Variants in BLTP3B observed in about 807,000 individuals in gnomAD.
BLTP3B encodes UHRF1 (ICBP90) binding protein 1-like.
the BLTP3B span, chr12:100,039,468 G>T: frequency 1.0e-6 from 1 of 976,554 alleles, no homozygotes; most frequent in Non-Finnish European, 1.4e-6. Flanking sequence ...ACCTAGCAAA[G>T]CACCTGGGCA....
chr12:100,129,953 T>C, the BLTP3B span, among the ~76,000 whole-genome samples: 1 of 152,242 alleles, frequency 6.6e-6, no homozygotes, highest in Non-Finnish European at 1.5e-5. Flanking sequence ...CTGTCATTTA[T>C]GTCCTTTTTC....
At chr12:100,101,989 G>A in the BLTP3B span, among the ~76,000 whole-genome samples, 3 of 151,688 alleles carry the variant, frequency 2.0e-5, no homozygotes, top group Non-Finnish European at 2.9e-5. Flanking sequence ...TGGTAGAGAC[G>A]GGGTTTCACC....
the BLTP3B span, among the ~76,000 whole-genome samples, chr12:100,048,767 A>AGAGAGAGTGT: frequency 8.9e-6 from 1 of 111,838 alleles, no homozygotes; most frequent in African/African-American, 3.7e-5. Context: ...AGAGAGTGAG[A>AGAGAGAGTGT]GTGAGTGTGT....
chr12:100,101,785 T>A, the BLTP3B span, among the ~76,000 whole-genome samples: 14 of 152,180 alleles, frequency 9.2e-5, no homozygotes, highest in South Asian at 2.7e-3. Flanking sequence ...ACCCAAAAGG[T>A]CTGTAATTTA....
chr12:100,123,468 C>T, the BLTP3B span, among the ~76,000 whole-genome samples: 2 of 152,090 alleles, frequency 1.3e-5, no homozygotes, highest in African/African-American at 4.8e-5. Context: ...CCCCCACACA[C>T]CAAGCAGTGG....
At chr12:100,133,444 A>C in the BLTP3B span, among the ~76,000 whole-genome samples, 1 of 152,226 alleles carries the variant, frequency 6.6e-6, no homozygotes, top group Non-Finnish European at 1.5e-5. Flanking sequence ...CTCCTAAGGG[A>C]TACTACAGCA....
the BLTP3B span, among the ~76,000 whole-genome samples, chr12:100,140,139 A>C: frequency 2.0e-5 from 3 of 152,212 alleles, no homozygotes; most frequent in Non-Finnish European, 4.4e-5. Context: ...AGTAACTATA[A>C]TTTATCACAA....
chr12:100,054,038 T>C, the BLTP3B span, among the ~76,000 whole-genome samples: 14,634 of 152,162 alleles, frequency 0.096, 876 homozygotes, highest in African/African-American at 0.17. Flanking sequence ...ATCCTAAAAA[T>C]AGTCTACTGC....
chr12:100,051,137 G>A, the BLTP3B span: 1 of 1,614,106 alleles, frequency 6.2e-7, no homozygotes, highest in South Asian at 1.1e-5. Flanking sequence ...ATCTGGAGAA[G>A]TTTCACCATA....
the BLTP3B span, among the ~76,000 whole-genome samples, chr12:100,055,637 A>T: frequency 1.3e-5 from 2 of 149,420 alleles, no homozygotes; most frequent in South Asian, 4.3e-4. Flanking sequence ...AGATCATGTC[A>T]TTACACTCCA....
At chr12:100,131,027 G>GAGAGAGAA in the BLTP3B span, among the ~76,000 whole-genome samples, 1 of 123,136 alleles carries the variant, frequency 8.1e-6, no homozygotes, top group Non-Finnish European at 1.7e-5. Flanking sequence ...GAGAGAGAGA[G>GAGAGAGAA]AGAGAGAAAG....
chr12:100,037,603 G>T, the BLTP3B span: 2 of 1,604,510 alleles, frequency 1.2e-6, no homozygotes, highest in South Asian at 2.2e-5. Context: ...TCCTACTCCA[G>T]AGCTATAATT....
chr12:100,047,720 A>T, the BLTP3B span: 5 of 1,170,082 alleles, frequency 4.3e-6, no homozygotes, highest in Non-Finnish European at 6.3e-6. Context: ...ATGTATCTTT[A>T]TATGTTTCAG....
At chr12:100,136,404 T>C in the BLTP3B span, among the ~76,000 whole-genome samples, 1 of 152,164 alleles carries the variant, frequency 6.6e-6, no homozygotes, top group African/African-American at 2.4e-5. Context: ...TAGGTTACAG[T>C]TAGTGATCCT....
chr12:100,140,724 AAAAAAATAT>A, the BLTP3B span, among the ~76,000 whole-genome samples: 4 of 111,984 alleles, frequency 3.6e-5, no homozygotes, highest in East Asian at 2.0e-4. Flanking sequence ...AAAAAAAAAA[AAAAAAATAT>A]ATATATATAT....
At chr12:100,074,486 T>C in the BLTP3B span, among the ~76,000 whole-genome samples, 46 of 151,676 alleles carry the variant, frequency 3.0e-4, no homozygotes, top group African/African-American at 1.1e-3. Flanking sequence ...GTAATCCCAG[T>C]TACTTGGGAG....
the BLTP3B span, among the ~76,000 whole-genome samples, chr12:100,066,268 A>G: frequency 3.3e-5 from 5 of 152,332 alleles, no homozygotes; most frequent in East Asian, 9.6e-4. Context: ...GCAGTTAAAA[A>G]AGACAAAGAG....
At chr12:100,086,434 A>C in the BLTP3B span, 1 of 975,390 alleles carries the variant, frequency 1.0e-6, no homozygotes, top group African/African-American at 1.7e-5. Flanking sequence ...GAAAAATTTT[A>C]GCATACTTGG....
chr12:100,089,198 G>A, the BLTP3B span: 1 of 932,904 alleles, frequency 1.1e-6, no homozygotes, highest in South Asian at 2.7e-5. Context: ...AATAACCATA[G>A]TACATCTTAT....
Sources: allele counts gnomAD v4.1 joint callset (sites outside exome capture counted in the v4.1 genomes callset), GRCh38; gene constraint gnomAD v4.1.1; transcripts MANE v1.5; gene names NCBI Gene and HGNC (gene_info 2026-07-23, HGNC 2026-07-21).